The following SEC16B variants were observed in gnomAD, a reference collection of about 807,000 sequenced individuals.
SEC16B encodes SEC16 homolog B, endoplasmic reticulum export factor.
A neutral mutation model predicts 141.8 loss-of-function variants in SEC16B; 115 were observed. The observed-to-expected ratio is 0.81, with a 90% CI of 0.70 to 0.95. The LOEUF (loss-of-function observed/expected upper bound fraction) is 0.95. Ranked by LOEUF, SEC16B falls within the 40% of genes least tolerant of loss-of-function variation. The pLI is 0.00. For missense variants in SEC16B, 1,291 were observed against 1,312.3 expected (o/e 0.98, Z 0.25); for synonymous variants, 493 against 492.5 (o/e 1.00, Z -0.01).
chr1:177,958,385 T>C (rs1652797254), intron 9 of SEC16B, 23 bp from the exon 10 acceptor site: 2 of 1,524,808 alleles, frequency 1.3e-6, no homozygotes, highest in Non-Finnish European at 1.8e-6. Context: ...GAGGATCATC[T>C]GGGGAGAATC....
At chr1:177,969,577 A>G (rs10158522) in intron 1 of SEC16B, among the ~76,000 whole-genome samples, 17,752 of 152,226 alleles carry the variant, frequency 0.12, 1,767 homozygotes, top group African/African-American at 0.27. Flanking sequence ...GTCCCCAGAT[A>G]GTCTCATTAG....
chr1:177,962,205 C>T (rs1393987870), intron 5 of SEC16B, among the ~76,000 whole-genome samples: 1 of 152,014 alleles, frequency 6.6e-6, no homozygotes, highest in Non-Finnish European at 1.5e-5. Context: ...TCCCAAGTAG[C>T]TAGGACTACA....
intron 1 of SEC16B, among the ~76,000 whole-genome samples, chr1:177,978,850 T>C (rs1272360811): frequency 6.6e-6 from 1 of 152,342 alleles, no homozygotes; most frequent in Middle Eastern, 3.4e-3. Context: ...TTCTTCATTA[T>C]TGACATAATC....
In SEC16B at chr1:177,946,484, G is replaced by A; in HGVS notation, c.1711C>T (p.His571Tyr). 1 of 1,585,344 alleles carries A rather than the reference G, an allele frequency of 6.3e-7. No individual in the cohort carries two copies. The highest frequency in any genetic ancestry group is 8.6e-7 in the Non-Finnish European group (1 of 1,166,310). Residue 571 changes from histidine (H) to tyrosine (Y), a missense_variant, in exon 14 of 26, where the codon CAC becomes TAC. His to Tyr is a moderately conservative substitution (Grantham distance 83, BLOSUM62 2). Coordinates refer to ENST00000308284, the MANE Select transcript of SEC16B (RefSeq NM_033127.4). The stretch of plus-strand genomic sequence containing the variant: ...ACGGTGTAGTGGCCAAAGGGCACGT[G>A]AGCCATGAGATAGCAGAAGTGAGCT... ...EAAHFCYLMA[H>Y]VPFGHYTVKT...
chr1:177,949,421 C>T (rs1044456799), intron 12 of SEC16B, among the ~76,000 whole-genome samples: 1 of 146,510 alleles, frequency 6.8e-6, no homozygotes, highest in Middle Eastern at 3.5e-3. Context: ...CACACACACA[C>T]ACACACACAA....
chr1:177,963,325 C>T (rs1653230463), intron 5 of SEC16B, among the ~76,000 whole-genome samples: 1 of 151,854 alleles, frequency 6.6e-6, no homozygotes, highest in Non-Finnish European at 1.5e-5. Context: ...CCATCTCTGG[C>T]CGAGCGTGGT....
At chr1:177,956,460 C>A (rs538760948) in intron 10 of SEC16B, among the ~76,000 whole-genome samples, 1 of 152,066 alleles carries the variant, frequency 6.6e-6, no homozygotes, top group African/African-American at 2.4e-5. Context: ...GAGAAAATAA[C>A]AATATATGCA....
In SEC16B at chr1:177,940,687, G is replaced by A. The variant is rs760175276; in HGVS notation, c.2050C>T (p.Pro684Ser). 10 of 1,613,618 alleles carry A rather than the reference G, an allele frequency of 6.2e-6. No homozygotes were observed. Among genetic ancestry groups the A allele is most frequent in the Non-Finnish European group, 7.6e-6 (9 of 1,179,796 alleles). The change falls in exon 17 of 26, where the codon CCT becomes TCT. Residue 684 changes from proline to serine, a missense_variant. Pro to Ser is a moderately conservative substitution (Grantham distance 74). Transcript: ENST00000308284. ...KLAEKLKLSD[P>S]LVLERRSGDR... Reference sequence around the variant, plus strand: ...CCACTGCGTCTTTCTAAAACCAGAGGATCTGACAGCTTCAGTTTCTCTGCT... The same window carrying A: ...CCACTGCGTCTTTCTAAAACCAGAGAATCTGACAGCTTCAGTTTCTCTGCT...
At chr1:177,931,940 C>T (rs1456994674) in intron 24 of SEC16B, among the ~76,000 whole-genome samples, 2 of 152,060 alleles carry the variant, frequency 1.3e-5, no homozygotes, top group Non-Finnish European at 2.9e-5. Flanking sequence ...GGCAAGTCCC[C>T]AGGCTTCCCC....
intron 14 of SEC16B, 135 bp downstream of exon 14, chr1:177,946,282 TAAC>T: frequency 1.3e-6 from 1 of 749,872 alleles, no homozygotes; most frequent in Non-Finnish European, 2.4e-6. Context: ...CCTGCACAGA[TAAC>T]AATCCCAAAT....
chr1:177,957,546 A>G (rs1652704594), intron 10 of SEC16B, among the ~76,000 whole-genome samples: 1 of 152,156 alleles, frequency 6.6e-6, no homozygotes, highest in Admixed American at 6.5e-5. Context: ...GTAGGTATAT[A>G]TATTTATGGA....
At chr1:177,951,857 C>T (rs556986001) in intron 12 of SEC16B, 57 bp downstream of exon 12, 100 of 1,420,522 alleles carry the variant, frequency 7.0e-5, no homozygotes, top group Non-Finnish European at 8.7e-5. Context: ...GAGCAGTCCC[C>T]GCCCCCTCAA....
Position 177,960,102 on chromosome 1 carries a change from T to C in SEC16B, c.998+240A>G, listed in dbSNP as rs113422768. ...CCATGCAGCCTCTGCATAATGGAAC[T>C]GGTTTTAGATTTCTAAACTGTCATG... On this transcript the variant is annotated intron_variant, in intron 8 of 25. Coordinates refer to ENST00000308284, the MANE Select transcript of SEC16B (RefSeq NM_033127.4). 727 of 524,950 alleles carry C rather than the reference T, an allele frequency of 1.4e-3. 4 individuals carry two copies. Among genetic ancestry groups the C allele is most frequent in the African/African-American group, 0.011 (555 of 52,276 alleles). The allele number at this position is 524,950 out of a possible 1,614,324, so 32.5% of individuals were successfully genotyped here.
At position 177,960,783 on chromosome 1, in the gene SEC16B, T is replaced by G. The variant is rs1652995806; in HGVS notation, c.936+8A>C. 4.4e-6 allele frequency: 7 copies of G among 1,596,228 alleles called. No homozygotes were observed. The highest frequency in any genetic ancestry group is 6.0e-6 in the Non-Finnish European group (7 of 1,169,948). ...GCCAGCATTCCAGGGACACTGGGTC[T>G]TCTTTACCTCCATGCTGTGCAGTTC... On this transcript the variant is annotated splice_region_variant and intron_variant, in intron 7 of 25. Transcript: ENST00000308284.
intron 12 of SEC16B, among the ~76,000 whole-genome samples, chr1:177,949,476 G>GA (rs1652004040): frequency 6.6e-6 from 1 of 150,904 alleles, no homozygotes; most frequent in Non-Finnish European, 1.5e-5. Context: ...CTGGTGATTT[G>GA]AAAAGATCAC....
chr1:177,964,623 T>C (rs1214332421), intron 4 of SEC16B, among the ~76,000 whole-genome samples: 1 of 152,168 alleles, frequency 6.6e-6, no homozygotes, highest in African/African-American at 2.4e-5. Context: ...CAAAACTCTC[T>C]TCCCTGTCTT....
rs377511394 is a variant in SEC16B at position 177,946,482 on chromosome 1, G to A, written c.1713C>T (p.His571=). The change falls in exon 14 of 26, where the codon CAC becomes CAT. Residue 571 remains histidine (H), a synonymous_variant. Coordinates refer to ENST00000308284, the MANE Select transcript of SEC16B (RefSeq NM_033127.4). ...EAAHFCYLMA[H]VPFGHYTVKT... ...TCACGGTGTAGTGGCCAAAGGGCACGTGAGCCATGAGATAGCAGAAGTGAG... is the reference window on the plus strand; with the variant it reads ...TCACGGTGTAGTGGCCAAAGGGCACATGAGCCATGAGATAGCAGAAGTGAG... 1.6e-5 allele frequency: 26 copies of A among 1,585,406 alleles called. 1 individual carries two copies. The highest frequency in any genetic ancestry group is 4.6e-5 in the South Asian group (4 of 86,498).
rs531746000 is a variant in SEC16B at position 177,946,460 on chromosome 1, C to G, written c.1735G>C (p.Val579Leu). 1.3e-6 allele frequency: 2 copies of G among 1,582,206 alleles called. No individual in the cohort carries two copies. The highest frequency in any genetic ancestry group is 2.3e-5 in the South Asian group (2 of 86,056). Reference protein sequence around the residue: ...MAHVPFGHYTVKTDHLVLLGS... With the variant: ...MAHVPFGHYTLKTDHLVLLGS... The stretch of plus-strand genomic sequence containing the variant: ...AGCAAGACCAGATGGTCTGTCTTCA[C>G]GGTGTAGTGGCCAAAGGGCACGTGA... The change falls in exon 14 of 26, where the codon GTG (valine) becomes CTG (leucine). Residue 579 changes from valine (V) to leucine (L), a missense_variant. Val to Leu is a conservative substitution (Grantham distance 32, BLOSUM62 1). Around this residue, in one of 3 missense-constraint regions of SEC16B, gnomAD observed 605 missense variants for 614.1 expected, o/e 0.99. Coordinates refer to ENST00000308284, the MANE Select transcript of SEC16B (RefSeq NM_033127.4).
chr1:177,965,026 G>C, intron 4 of SEC16B, 21 bp downstream of exon 4: 2 of 1,611,988 alleles, frequency 1.2e-6, no homozygotes, highest in Non-Finnish European at 1.7e-6. Context: ...ATGTCAAACT[G>C]GCCTCTCCTT....
Sources: allele counts gnomAD v4.1 joint callset (sites outside exome capture counted in the v4.1 genomes callset), GRCh38; gene constraint gnomAD v4.1.1; regional missense constraint gnomAD v4.1.1; transcripts MANE v1.5; gene names NCBI Gene and HGNC (gene_info 2026-07-23, HGNC 2026-07-21).